Variants in DCC observed in about 807,000 individuals in gnomAD.
DCC encodes netrin receptor DCC.
DCC carries 58 observed loss-of-function variants against 172.5 expected under a neutral mutation model. The ratio of observed to expected loss-of-function variants is 0.34; its 90% CI spans 0.27 to 0.42. The LOEUF (loss-of-function observed/expected upper bound fraction) is 0.42. Ranked by LOEUF, DCC falls within the 10% of genes least tolerant of loss-of-function variation. DCC has a pLI of 1.00. For missense variants in DCC, 1,740 were observed against 1,791.0 expected, an observed-to-expected ratio of 0.97 and a Z score of 0.51; for synonymous variants, 709 against 644.5, an observed-to-expected ratio of 1.10 and a Z score of -1.52.
At chr18:53,226,331 G>C (rs143436895) in intron 12 of DCC, among the ~76,000 whole-genome samples, 219 of 152,298 alleles carry the variant, frequency 1.4e-3, no homozygotes, top group African/African-American at 4.8e-3. Flanking sequence ...GAAAGTTTTG[G>C]TTCTAAAATG....
At chr18:53,214,994 A>G (rs1049627229) in intron 11 of DCC, among the ~76,000 whole-genome samples, 26 of 152,192 alleles carry the variant, frequency 1.7e-4, no homozygotes, top group Non-Finnish European at 1.5e-5. Flanking sequence ...ATCAAGTGCT[A>G]TTTGCAACCT....
chr18:53,408,961 G>T (rs1450557638), intron 19 of DCC, among the ~76,000 whole-genome samples: 1 of 152,174 alleles, frequency 6.6e-6, no homozygotes, highest in African/African-American at 2.4e-5. Context: ...ATTCTATAAG[G>T]CACTATGGGA....
chr18:52,488,919 C>T (rs1316475389), intron 1 of DCC, among the ~76,000 whole-genome samples: 1 of 152,058 alleles, frequency 6.6e-6, no homozygotes, highest in Non-Finnish European at 1.5e-5. Context: ...AGTTTTGCAA[C>T]ATAACTTCAA....
At chr18:53,285,071 G>A (rs1264150200) in intron 12 of DCC, among the ~76,000 whole-genome samples, 1 of 151,952 alleles carries the variant, frequency 6.6e-6, no homozygotes, top group Non-Finnish European at 1.5e-5. Flanking sequence ...GGAAACAGAA[G>A]ATAAAAGTCT....
intron 12 of DCC, among the ~76,000 whole-genome samples, chr18:53,216,802 A>G (rs1238374908): frequency 2.0e-5 from 3 of 152,174 alleles, no homozygotes; most frequent in Admixed American, 6.6e-5. Flanking sequence ...GAAAATAACT[A>G]AACTTAGTGG....
At chr18:52,761,826 G>A (rs1006511764) in intron 2 of DCC, among the ~76,000 whole-genome samples, 21 of 148,816 alleles carry the variant, frequency 1.4e-4, no homozygotes, top group African/African-American at 4.8e-4. Flanking sequence ...GGAGAATGTC[G>A]TGCACCCAGG....
intron 1 of DCC, among the ~76,000 whole-genome samples, chr18:52,654,307 G>A (rs982018411): frequency 2.6e-4 from 39 of 152,114 alleles, no homozygotes; most frequent in African/African-American, 8.9e-4. Flanking sequence ...CTTAGTGATC[G>A]CTGGAACCAC....
intron 17 of DCC, among the ~76,000 whole-genome samples, chr18:53,396,526 C>T (rs1318314834): frequency 1.3e-5 from 2 of 152,254 alleles, no homozygotes; most frequent in African/African-American, 4.8e-5. Context: ...TAGTATTTAT[C>T]CAAATTGCTG....
chr18:52,987,757 T>C (rs913535893), intron 5 of DCC, among the ~76,000 whole-genome samples: 3 of 152,138 alleles, frequency 2.0e-5, no homozygotes, highest in African/African-American at 7.2e-5. Context: ...TCATTGACTT[T>C]TTTCTCCTCT....
At chr18:53,159,128 A>C (rs990471871) in intron 8 of DCC, among the ~76,000 whole-genome samples, 2 of 151,894 alleles carry the variant, frequency 1.3e-5, no homozygotes, top group African/African-American at 2.4e-5. Flanking sequence ...ATGCCTCCTG[A>C]GTTCCTTGGA....
intron 5 of DCC, among the ~76,000 whole-genome samples, chr18:52,953,202 G>A (rs897611494): frequency 6.6e-6 from 1 of 152,012 alleles, no homozygotes; most frequent in Non-Finnish European, 1.5e-5. Flanking sequence ...TAATAAACAG[G>A]TGAGTTACAG....
intron 15 of DCC, among the ~76,000 whole-genome samples, chr18:53,365,790 T>C (rs1270085664): frequency 6.6e-6 from 1 of 152,214 alleles, no homozygotes; most frequent in East Asian, 1.9e-4. Context: ...GAGAGAACAG[T>C]GGTTGATTGC....
At chr18:53,063,153 G>A (rs2042519533) in intron 5 of DCC, 152 bp from the exon 6 acceptor site, 7 of 810,140 alleles carry the variant, frequency 8.6e-6, no homozygotes, top group Admixed American at 7.2e-5. Context: ...TTTTATAATA[G>A]TTCCTGTATA....
intron 2 of DCC, among the ~76,000 whole-genome samples, chr18:52,818,388 G>A (rs112834708): frequency 0.046 from 6,633 of 142,836 alleles, 237 homozygotes; most frequent in South Asian, 0.17. Context: ...CTCCAGCCTC[G>A]GCAACAGAAT....
chr18:52,912,569 A>T (rs1288827598), intron 3 of DCC, among the ~76,000 whole-genome samples: 2 of 151,924 alleles, frequency 1.3e-5, no homozygotes, highest in East Asian at 3.9e-4. Flanking sequence ...TTGCTACATG[A>T]TTTTACCTTT....
intron 2 of DCC, among the ~76,000 whole-genome samples, chr18:52,831,371 G>A (rs948209044): frequency 6.6e-6 from 1 of 152,128 alleles, no homozygotes; most frequent in Admixed American, 6.5e-5. Context: ...AATATGATCT[G>A]ATCAAGCACA....
chr18:53,491,630 G>T (rs1360346087), intron 26 of DCC, among the ~76,000 whole-genome samples: 4 of 151,784 alleles, frequency 2.6e-5, no homozygotes, highest in African/African-American at 9.7e-5. Flanking sequence ...GAGAATGATG[G>T]TTTCCTCCCT....
intron 1 of DCC, among the ~76,000 whole-genome samples, chr18:52,544,676 G>C (rs1272621472): frequency 1.3e-5 from 2 of 152,060 alleles, no homozygotes; most frequent in Non-Finnish European, 2.9e-5. Context: ...TTAGCCACCT[G>C]TATCATAAGT....
intron 1 of DCC, among the ~76,000 whole-genome samples, chr18:52,553,960 G>A (rs2032844399): frequency 6.6e-6 from 1 of 152,040 alleles, no homozygotes; most frequent in Non-Finnish European, 1.5e-5. Context: ...AATAATGCTA[G>A]GTTCAATTCC....
Sources: allele counts gnomAD v4.1 joint callset (sites outside exome capture counted in the v4.1 genomes callset), GRCh38; gene constraint gnomAD v4.1.1; transcripts MANE v1.5; gene names NCBI Gene and HGNC (gene_info 2026-07-23, HGNC 2026-07-21).